Variants in XKR7 observed in about 807,000 individuals in gnomAD.
XKR7 encodes XK-related protein 7.
XKR7 carries 11 observed loss-of-function variants against 42.2 expected under a neutral mutation model. That is an observed-to-expected ratio of 0.26 (90% CI 0.16 to 0.43). The LOEUF (loss-of-function observed/expected upper bound fraction) is 0.43, where lower values mean the gene tolerates loss of function less well. XKR7 is among the 20% of genes least tolerant of loss of function. The probability of loss-of-function intolerance (pLI) is 1.00; values close to 1 mark genes in which losing one functional copy is unlikely to be tolerated. For synonymous variants in XKR7, 346 were observed against 366.4 expected, an observed-to-expected ratio of 0.94 and a Z score of 0.64; for missense variants, 710 against 802.2, an observed-to-expected ratio of 0.89 and a Z score of 1.39.
chr20:31,976,390 T>A (rs908237268), intron 1 of XKR7, among the ~76,000 whole-genome samples: 15 of 152,150 alleles, frequency 9.9e-5, no homozygotes, highest in African/African-American at 3.6e-4. Flanking sequence ...TTTTATTTTT[T>A]TTTATTTTTT....
Position 31,998,783 on chromosome 20 carries a change from C to A in XKR7, c.*1326C>A, listed in dbSNP as rs1301469583. ...TGAATCCTGGCTCTCAGCCACTCTG[C>A]AAATGGGGCTCCCTGGAGCGGCATC... On this transcript the variant is annotated 3_prime_UTR_variant, in exon 3 of 3. Coordinates refer to ENST00000562532, the MANE Select transcript of XKR7 (RefSeq NM_001011718.2). The A allele has an allele frequency of 3.3e-5, 5 of 152,154 alleles. No homozygotes were observed. The highest frequency in any genetic ancestry group is 7.3e-5 in the Non-Finnish European group (5 of 68,028). The allele number at this position is 152,154 out of a possible 1,614,324, so 9.4% of individuals were successfully genotyped here. A position where few individuals can be genotyped will look rare whatever the true frequency, so the allele number is the denominator to read the frequency against.
intron 1 of XKR7, among the ~76,000 whole-genome samples, chr20:31,986,128 T>A (rs1314164824): frequency 4.1e-5 from 4 of 97,972 alleles, no homozygotes; most frequent in East Asian, 2.9e-4. Context: ...AGATCCAGCA[T>A]CCAAGGCACA....
At chr20:31,994,298 T>C (rs573441836) in intron 1 of XKR7, among the ~76,000 whole-genome samples, 16 of 152,326 alleles carry the variant, frequency 1.1e-4, no homozygotes, top group African/African-American at 3.8e-4. Context: ...TGTTGTCTAA[T>C]GGTTAGAGTG....
At position 31,968,869 on chromosome 20, in the gene XKR7, C is replaced by T. The variant is rs906121893; in HGVS notation, c.584+110C>T. ...TTTCCGGGCTACCCTCCTGTCCTGA[C>T]CTCCCCCCCTCCCCACCCCATTGCA... On this transcript the variant is annotated intron_variant, in intron 1 of 2. Transcript: ENST00000562532. The surrounding 1 kb of genome is among the most constrained non-coding windows in gnomAD (Gnocchi z 4.5). 2.2e-6 allele frequency: 3 copies of T among 1,387,984 alleles called. No homozygotes were observed. Among genetic ancestry groups the T allele is most frequent in the Non-Finnish European group, 1.9e-6 (2 of 1,061,968 alleles). 86.0% of individuals were successfully genotyped at this position (1,387,984 alleles called of 1,614,324 possible). A position where few individuals can be genotyped will look rare whatever the true frequency, so the allele number is the denominator to read the frequency against.
chr20:31,989,282 C>CT (rs1027874163), intron 1 of XKR7, among the ~76,000 whole-genome samples: 4 of 120,012 alleles, frequency 3.3e-5, no homozygotes, highest in Non-Finnish European at 7.4e-5. Flanking sequence ...GACACCCCCC[C>CT]CCCAGCGCAT....
chr20:31,979,241 G>A (rs578164161), intron 1 of XKR7, among the ~76,000 whole-genome samples: 1 of 151,324 alleles, frequency 6.6e-6, no homozygotes. Context: ...TAAAGAGAAG[G>A]TTTCACTCTG....
At chr20:31,985,386 G>T (rs773433609) in intron 1 of XKR7, among the ~76,000 whole-genome samples, 5 of 152,112 alleles carry the variant, frequency 3.3e-5, no homozygotes, top group African/African-American at 4.8e-5. Flanking sequence ...ACAGATGGAG[G>T]AGCTGAGGAT....
In XKR7 at chr20:31,968,576, C is replaced by G. The variant is rs752413607; in HGVS notation, c.401C>G (p.Ala134Gly). The G allele has an allele frequency of 1.9e-6, 3 of 1,609,220 alleles. No individual in the cohort carries two copies. The African/African-American group carries it at 4.0e-5, about 21-fold the overall frequency. ...GCCGTCAGCACCAAGGACAGCGTAG[C>G]CGGCGGAGCCGCCATCAGCACCAAG... ...GPAVSTKDSV[A>G]GGAAISTKDS... The change falls in exon 1 of 3, where the codon GCC becomes GGC. Residue 134 changes from alanine to glycine, a missense_variant. Around this residue, in one of 2 missense-constraint regions of XKR7, gnomAD observed 708 missense variants for 786.2 expected, o/e 0.90. Coordinates refer to ENST00000562532, the MANE Select transcript of XKR7 (RefSeq NM_001011718.2). The surrounding 1 kb of genome is among the most constrained non-coding windows in gnomAD (Gnocchi z 4.5).
At chr20:31,980,516 G>A (rs555226090) in intron 1 of XKR7, among the ~76,000 whole-genome samples, 1 of 152,310 alleles carries the variant, frequency 6.6e-6, no homozygotes, top group South Asian at 2.1e-4. Flanking sequence ...GCCAGCCCTG[G>A]TTTGGGATGC....
chr20:31,990,331 C>A (rs2064564769), intron 1 of XKR7, among the ~76,000 whole-genome samples: 1 of 151,980 alleles, frequency 6.6e-6, no homozygotes, highest in African/African-American at 2.4e-5. Flanking sequence ...GCACCCTGCC[C>A]CATCACACTC....
At chr20:31,978,545 G>A (rs1325416817) in intron 1 of XKR7, among the ~76,000 whole-genome samples, 2 of 152,248 alleles carry the variant, frequency 1.3e-5, no homozygotes, top group Admixed American at 1.3e-4. Flanking sequence ...TTTATCTAGG[G>A]CAGCACCATC....
intron 1 of XKR7, among the ~76,000 whole-genome samples, chr20:31,994,477 C>T (rs1568891769): frequency 6.6e-6 from 1 of 152,134 alleles, no homozygotes; most frequent in Non-Finnish European, 1.5e-5. Context: ...CCCTGGGAGG[C>T]CAAAGCAGGA....
At position 31,968,601 on chromosome 20, in the gene XKR7, G is replaced by A. The variant is rs780671196; in HGVS notation, c.426G>A (p.Lys142=). The A allele has an allele frequency of 6.2e-7, 1 of 1,607,016 alleles. No individual in the cohort carries two copies. The highest frequency in any genetic ancestry group is 1.1e-5 in the South Asian group (1 of 90,898). Residue 142 remains lysine, a synonymous_variant, in exon 1 of 3, where the codon AAG becomes AAA. Transcript: ENST00000562532. This position sits in a 1 kb window ranked among gnomAD's most constrained non-coding sequence, Gnocchi z 4.5. ...SVAGGAAIST[K]DSAGAFRTKE... ...CCGGCGGAGCCGCCATCAGCACCAAGGACAGCGCCGGCGCCTTCCGGACCA... is the reference window on the plus strand; with the variant it reads ...CCGGCGGAGCCGCCATCAGCACCAAAGACAGCGCCGGCGCCTTCCGGACCA...
In XKR7 at chr20:31,997,302, C is replaced by T. The variant is rs143869401; in HGVS notation, c.1585C>T (p.Arg529Cys). The T allele has an allele frequency of 6.2e-7, 1 of 1,611,794 alleles. No homozygotes were observed. The highest frequency in any genetic ancestry group is 2.2e-5 in the East Asian group (1 of 44,876). ...GCCTGTCATCCGGATTGACTTGCCT[C>T]GCAAGAAGTACCCGGCCTGGGATGC... ...EGPVIRIDLP[R>C]KKYPAWDAHF... Residue 529 changes from arginine (R) to cysteine (C), a missense_variant, in exon 3 of 3, where the codon CGC (arginine) becomes TGC (cysteine). Physicochemically the swap from Arg to Cys is radical, Grantham distance 180 (BLOSUM62 -3). This residue lies in a region of XKR7 where 708 missense variants were observed against 786.2 expected (regional missense o/e 0.90). Coordinates refer to ENST00000562532, the MANE Select transcript of XKR7 (RefSeq NM_001011718.2).
Position 31,997,793 on chromosome 20 carries a change from C to T in XKR7, c.*336C>T. The T allele has an allele frequency of 3.2e-6, 1 of 309,868 alleles. No individual in the cohort carries two copies. Among genetic ancestry groups the T allele is most frequent in the Non-Finnish European group, 6.0e-6 (1 of 166,386 alleles). The allele number at this position is 309,868 out of a possible 1,614,324, so 19.2% of individuals were successfully genotyped here. A position where few individuals can be genotyped will look rare whatever the true frequency, so the allele number is the denominator to read the frequency against. On this transcript the variant is annotated 3_prime_UTR_variant, in exon 3 of 3. Coordinates refer to ENST00000562532, the MANE Select transcript of XKR7 (RefSeq NM_001011718.2). ...TTGCCCATGTGTTGCCCCTGCTGGA[C>T]TTGCCAGAGAAAGGGCACTGTCTGG...
At chr20:31,989,147 G>A (rs2064556631) in intron 1 of XKR7, among the ~76,000 whole-genome samples, 2 of 152,192 alleles carry the variant, frequency 1.3e-5, no homozygotes, top group Non-Finnish European at 2.9e-5. Flanking sequence ...AGGGTGGCCT[G>A]GGAGGCCTCT....
intron 1 of XKR7, among the ~76,000 whole-genome samples, chr20:31,969,472 T>C (rs1387535032): frequency 9.2e-5 from 14 of 152,214 alleles, no homozygotes; most frequent in Non-Finnish European, 1.5e-5. Flanking sequence ...ACTGAGGCTT[T>C]GTTCAAGCTG....
At chr20:31,980,131 GA>G (rs397968046) in intron 1 of XKR7, among the ~76,000 whole-genome samples, 4,441 of 95,438 alleles carry the variant, frequency 0.047, 85 homozygotes, top group East Asian at 0.13. Flanking sequence ...CTTTAGCCCA[GA>G]AAAAAAAAAA....
intron 1 of XKR7, among the ~76,000 whole-genome samples, chr20:31,984,364 A>G (rs1311480370): frequency 6.6e-6 from 1 of 152,068 alleles, no homozygotes; most frequent in Non-Finnish European, 1.5e-5. Context: ...GCAAGGATGG[A>G]AGCAAGCACC....
Sources: allele counts gnomAD v4.1 joint callset (sites outside exome capture counted in the v4.1 genomes callset), GRCh38; gene constraint gnomAD v4.1.1; regional missense constraint gnomAD v4.1.1; non-coding constraint Gnocchi (gnomAD v3.1); transcripts MANE v1.5; gene names NCBI Gene and HGNC (gene_info 2026-07-23, HGNC 2026-07-21).